Variants in APOLD1 observed in about 807,000 individuals in gnomAD.
The protein encoded by APOLD1 is apolipoprotein L domain-containing protein 1.
A neutral mutation model predicts 15.3 loss-of-function variants in APOLD1; 22 were observed. That is an observed-to-expected ratio of 1.44 (90% CI 1.03 to 2.05). The LOEUF is 2.05. Ranked by LOEUF, APOLD1 falls within the 30% of genes most tolerant of loss-of-function variation. The probability of loss-of-function intolerance (pLI) is 0.00; values close to 1 mark genes in which losing one functional copy is unlikely to be tolerated. For missense variants in APOLD1, 394 were observed against 353.5 expected, an observed-to-expected ratio of 1.11 and a Z score of -0.92; for synonymous variants, 190 against 167.4, an observed-to-expected ratio of 1.13 and a Z score of -1.04.
chr12:12,747,720 T>C (rs1350805388), intron 1 of APOLD1, among the ~76,000 whole-genome samples: 1 of 152,226 alleles, frequency 6.6e-6, no homozygotes, highest in Non-Finnish European at 1.5e-5. Context: ...GGGTGCTTTT[T>C]ATTGGGCCCT....
intron 1 of APOLD1, among the ~76,000 whole-genome samples, chr12:12,736,919 C>G (rs1301002642): frequency 6.6e-6 from 1 of 152,198 alleles, no homozygotes; most frequent in Non-Finnish European, 1.5e-5. Context: ...TCCTGCTCCA[C>G]CCCGCTACCA....
At chr12:12,743,426 A>AT (rs1306321958) in intron 1 of APOLD1, among the ~76,000 whole-genome samples, 1 of 152,050 alleles carries the variant, frequency 6.6e-6, no homozygotes, top group Non-Finnish European at 1.5e-5. Flanking sequence ...AGCGGTTTGG[A>AT]TTATCCAGGT....
At chr12:12,752,891 CTCTA>C (rs2136381067) in intron 1 of APOLD1, among the ~76,000 whole-genome samples, 1 of 152,294 alleles carries the variant, frequency 6.6e-6, no homozygotes, top group African/African-American at 2.4e-5. Context: ...GCTATCCCTT[CTCTA>C]TCTGTTTAGC....
chr12:12,735,862 G>T (rs529292553), intron 1 of APOLD1, among the ~76,000 whole-genome samples: 1 of 152,050 alleles, frequency 6.6e-6, no homozygotes, highest in Non-Finnish European at 1.5e-5. Context: ...CAGGAGGATC[G>T]CTTGGGCCCA....
At chr12:12,745,509 A>C (rs577270876) in intron 1 of APOLD1, among the ~76,000 whole-genome samples, 1 of 152,216 alleles carries the variant, frequency 6.6e-6, no homozygotes, top group African/African-American at 2.4e-5. Flanking sequence ...CAGCCTATGC[A>C]ATAGAGCGAG....
At chr12:12,728,035 A>G (rs1252740990) in intron 1 of APOLD1, among the ~76,000 whole-genome samples, 2 of 152,150 alleles carry the variant, frequency 1.3e-5, no homozygotes, top group Admixed American at 6.5e-5. Context: ...GGGCATGAGC[A>G]TGGCTCACTG....
chr12:12,785,945 T>C (rs1947120662), intron 1 of APOLD1, among the ~76,000 whole-genome samples: 1 of 152,210 alleles, frequency 6.6e-6, no homozygotes, highest in Non-Finnish European at 1.5e-5. Flanking sequence ...TGAAATGCTC[T>C]ATTTCTATGG....
At chr12:12,737,086 G>A (rs1029045988) in intron 1 of APOLD1, among the ~76,000 whole-genome samples, 4 of 152,182 alleles carry the variant, frequency 2.6e-5, no homozygotes, top group Admixed American at 2.0e-4. Flanking sequence ...TTTGCTTCAA[G>A]TAGCTCAGCA....
At chr12:12,745,302 G>A (rs1438426283) in intron 1 of APOLD1, among the ~76,000 whole-genome samples, 2 of 152,208 alleles carry the variant, frequency 1.3e-5, no homozygotes, top group African/African-American at 2.4e-5. Context: ...AGTACTTTGG[G>A]AAGTTGAGGC....
chr12:12,751,250 A>G (rs1280123812), intron 1 of APOLD1, among the ~76,000 whole-genome samples: 2 of 152,106 alleles, frequency 1.3e-5, no homozygotes, highest in African/African-American at 4.8e-5. Context: ...GGCTGTCAAG[A>G]TGCTGTCTGG....
chr12:12,747,266 G>A (rs1309905016), intron 1 of APOLD1, among the ~76,000 whole-genome samples: 12 of 152,038 alleles, frequency 7.9e-5, no homozygotes, highest in Admixed American at 5.9e-4. Context: ...GTGAACTACC[G>A]TGTCTAGCCC....
chr12:12,760,329 A>G (rs977478810), intron 1 of APOLD1, among the ~76,000 whole-genome samples: 8 of 151,614 alleles, frequency 5.3e-5, no homozygotes, highest in African/African-American at 1.2e-4. Context: ...CGGTCTCACA[A>G]CAAACAAACA....
intron 1 of APOLD1, among the ~76,000 whole-genome samples, chr12:12,746,011 C>A (rs940457443): frequency 1.3e-5 from 2 of 152,084 alleles, no homozygotes; most frequent in Non-Finnish European, 2.9e-5. Context: ...AGAGCTAAAT[C>A]CCCTGAATGC....
intron 1 of APOLD1, among the ~76,000 whole-genome samples, chr12:12,754,542 T>C (rs912507758): frequency 6.6e-6 from 1 of 151,978 alleles, no homozygotes; most frequent in Non-Finnish European, 1.5e-5. Context: ...CTCTGCCTCC[T>C]GGGCTGAAGC....
chr12:12,764,941 A>C (rs1231621592), intron 1 of APOLD1, among the ~76,000 whole-genome samples: 1 of 152,142 alleles, frequency 6.6e-6, no homozygotes, highest in Non-Finnish European at 1.5e-5. Context: ...AGTTCACCAG[A>C]GCAGCTCTTC....
At chr12:12,763,417 A>G (rs1946917561) in intron 1 of APOLD1, among the ~76,000 whole-genome samples, 1 of 152,160 alleles carries the variant, frequency 6.6e-6, no homozygotes, top group African/African-American at 2.4e-5. Flanking sequence ...GTATTTGTGT[A>G]TAACCTATGC....
intron 1 of APOLD1, among the ~76,000 whole-genome samples, chr12:12,765,448 G>A (rs1005839408): frequency 1.3e-5 from 2 of 152,144 alleles, no homozygotes; most frequent in Non-Finnish European, 2.9e-5. Context: ...TAAAAAGAAA[G>A]CACTGTTACA....
At chr12:12,754,808 G>C (rs1946844004) in intron 1 of APOLD1, among the ~76,000 whole-genome samples, 2 of 151,518 alleles carry the variant, frequency 1.3e-5, no homozygotes, top group South Asian at 4.2e-4. Context: ...GAGAGGCTGA[G>C]GAGGGAACAT....
intron 1 of APOLD1, among the ~76,000 whole-genome samples, chr12:12,749,913 C>G (rs974022873): frequency 3.3e-5 from 5 of 152,164 alleles, no homozygotes; most frequent in Non-Finnish European, 7.3e-5. Context: ...AACTTGCAGT[C>G]AAGACCCTCT....
Sources: gnomAD v4.1 joint callset for allele counts (sites outside exome capture counted in the v4.1 genomes callset) on GRCh38, gnomAD v4.1.1 for gene constraint, MANE v1.5 for transcripts, NCBI Gene and HGNC (gene_info 2026-07-23, HGNC 2026-07-21) for gene names.